The following ANKRD31 variants were observed in gnomAD, a reference collection of about 807,000 sequenced individuals.
ANKRD31 encodes the protein ankyrin repeat domain 31.
In ANKRD31, 147 loss-of-function variants were observed where a neutral mutation model predicts 186.0. That is an observed-to-expected ratio of 0.79 (90% CI 0.69 to 0.91). The LOEUF (loss-of-function observed/expected upper bound fraction) is 0.91. ANKRD31 is among the 40% of genes least tolerant of loss of function. ANKRD31 has a pLI of 0.00. For missense variants in ANKRD31, 1,986 were observed against 2,148.8 expected (o/e 0.92, Z 1.50); for synonymous variants, 673 against 736.4 (o/e 0.91, Z 1.39).
rs116575894 is a variant in ANKRD31, at chr5:75,092,114, G to T, written c.5332-713C>A. Among the ~76,000 whole-genome samples, 521 of 152,312 alleles carry T rather than the reference G, an allele frequency of 3.4e-3. 3 individuals carry two copies. Among genetic ancestry groups the T allele is most frequent in the African/African-American group, 0.012 (497 of 41,572 alleles). On this transcript the variant is annotated intron_variant, in intron 22 of 25. Transcript: ENST00000506364. Reference sequence around the variant, plus strand: ...TGCCTGAGAAGAGAAGCAAGGCTTAGAACAGATAGCTCCTAATCTCCTCCC... The same window carrying T: ...TGCCTGAGAAGAGAAGCAAGGCTTATAACAGATAGCTCCTAATCTCCTCCC...
intron 8 of ANKRD31, among the ~76,000 whole-genome samples, chr5:75,192,979 T>C (rs1755214433): frequency 6.6e-6 from 1 of 152,122 alleles, no homozygotes; most frequent in African/African-American, 2.4e-5. Flanking sequence ...CTTCTAGCCC[T>C]CTCTTTGCGC....
chr5:75,089,185 C>T (rs1017852135), intron 23 of ANKRD31, among the ~76,000 whole-genome samples: 2 of 152,170 alleles, frequency 1.3e-5, no homozygotes, highest in African/African-American at 4.8e-5. Flanking sequence ...TCTGCTGCCT[C>T]CCACCCACAA....
intron 7 of ANKRD31, among the ~76,000 whole-genome samples, chr5:75,194,366 C>T (rs891500777): frequency 7.0e-6 from 1 of 143,204 alleles, no homozygotes; most frequent in African/African-American, 2.8e-5. Flanking sequence ...TACTCATATT[C>T]CCTCTTTTCA....
intron 25 of ANKRD31, among the ~76,000 whole-genome samples, chr5:75,076,842 G>A (rs1033142385): frequency 9.2e-5 from 14 of 152,024 alleles, no homozygotes; most frequent in African/African-American, 2.2e-4. Context: ...AGGAATTAGC[G>A]ACAAAGACCA....
At position 75,160,598 on chromosome 5, in the gene ANKRD31, G is replaced by C. The variant is rs564240659; in HGVS notation, c.1708-6253C>G. 1.1e-4 allele frequency among the ~76,000 whole-genome samples: 16 copies of C among 152,246 alleles called. No homozygotes were observed. In the South Asian group the frequency reaches 3.3e-3, roughly 32 times the overall value. On this transcript the variant is annotated intron_variant, in intron 11 of 25. Transcript: ENST00000506364. ...ATCTGAGACATACATTGGATTCAAA[G>C]ATAACAAACAAGATGAAAGTCAAAG...
rs1347433909 is a variant in ANKRD31, at chr5:75,105,125, T to C, written c.4434A>G (p.Lys1478=). ...RQKSLLVVAK[K]QKKISLKIQN... ...GAATTTTCAGGCTTATTTTTTTCTGTTTTTTTGCCACAACTAAAAGGCTCT... is the reference window on the plus strand; with the variant it reads ...GAATTTTCAGGCTTATTTTTTTCTGCTTTTTTGCCACAACTAAAAGGCTCT... Residue 1478 remains lysine, a synonymous_variant, in exon 22 of 26, where the codon AAA becomes AAG. Transcript: ENST00000506364. The C allele has an allele frequency of 6.5e-7, 1 of 1,536,892 alleles. No homozygotes were observed. The highest frequency in any genetic ancestry group is 2.0e-5 in the Admixed American group (1 of 50,962).
Position 75,193,520 on chromosome 5 carries a change from T to A in ANKRD31, c.1089A>T (p.Leu363=), listed in dbSNP as rs1198111181. The change falls in exon 8 of 26, where the codon CTA becomes CTT. Residue 363 remains leucine (L), a synonymous_variant. Transcript: ENST00000506364. ...CTGAATTTGAATTTCTCTTATTACT[T>A]AGTGGCTCACAAGAAGTGATATTTT... ...AHQNITSCEP[L]SNKRNSNSVT... is the part of the protein sequence containing the mutation. 1 of 1,537,012 alleles carries A rather than the reference T, an allele frequency of 6.5e-7. No individual in the cohort carries two copies. The highest frequency in any genetic ancestry group is 2.0e-5 in the Admixed American group (1 of 50,990).
chr5:75,147,267 T>A lies in ANKRD31; in HGVS notation c.2144A>T (p.His715Leu). The change falls in exon 14 of 26, where the codon CAT becomes CTT. Residue 715 changes from histidine to leucine, a missense_variant. His to Leu is a moderately conservative substitution (Grantham distance 99). Transcript: ENST00000506364. ...YSTGLRKGNL[H>L]NVKDPNTNVP... The stretch of plus-strand genomic sequence containing the variant: ...GTTTGTGTTGGGATCTTTGACGTTA[T>A]GGAGATTGCCCTTTCTGAGTCCTGT... 6.5e-7 allele frequency: 1 copy of A among 1,536,186 alleles called. No homozygotes were observed. The highest frequency in any genetic ancestry group is 8.7e-7 in the Non-Finnish European group (1 of 1,146,264).
At chr5:75,218,154 A>C (rs1757072756) in intron 3 of ANKRD31, among the ~76,000 whole-genome samples, 1 of 152,146 alleles carries the variant, frequency 6.6e-6, no homozygotes, top group Non-Finnish European at 1.5e-5. Flanking sequence ...CAAATCCAGA[A>C]GTTGGTTTTT....
intron 11 of ANKRD31, among the ~76,000 whole-genome samples, chr5:75,166,582 T>C (rs1752941638): frequency 6.6e-6 from 1 of 152,174 alleles, no homozygotes; most frequent in Admixed American, 6.5e-5. Context: ...CCCAAATCAA[T>C]GCCAACAAAC....
chr5:75,159,091 A>C (rs890070725), intron 11 of ANKRD31, among the ~76,000 whole-genome samples: 9 of 152,112 alleles, frequency 5.9e-5, no homozygotes, highest in African/African-American at 1.9e-4. Flanking sequence ...TGAAAAGAAA[A>C]ATTCACCAGA....
chr5:75,204,622 T>C (rs1756032485), intron 5 of ANKRD31, among the ~76,000 whole-genome samples: 1 of 152,206 alleles, frequency 6.6e-6, no homozygotes, highest in Non-Finnish European at 1.5e-5. Context: ...GATAAGGATC[T>C]AGTCTCTGCA....
chr5:75,098,026 G>GC (rs1746474955), intron 22 of ANKRD31, among the ~76,000 whole-genome samples: 1 of 147,370 alleles, frequency 6.8e-6, no homozygotes, highest in African/African-American at 2.5e-5. Context: ...CTATATCTCT[G>GC]TTTTTTTTTT....
At chr5:75,207,809 CT>C (rs1182120084) in intron 4 of ANKRD31, among the ~76,000 whole-genome samples, 2 of 151,888 alleles carry the variant, frequency 1.3e-5, no homozygotes, top group African/African-American at 2.4e-5. Flanking sequence ...TTAGTCTTTT[CT>C]TTTTTTATTT....
intron 5 of ANKRD31, among the ~76,000 whole-genome samples, chr5:75,203,586 C>T (rs1262110390): frequency 6.6e-6 from 1 of 150,710 alleles, no homozygotes; most frequent in African/African-American, 2.4e-5. Flanking sequence ...TTGGTTGAAC[C>T]CGGGAGGTGG....
intron 3 of ANKRD31, among the ~76,000 whole-genome samples, chr5:75,219,770 T>C (rs1238730353): frequency 2.0e-5 from 3 of 152,158 alleles, no homozygotes; most frequent in East Asian, 1.9e-4. Context: ...CAAATCAGCA[T>C]GGTACTGGTA....
chr5:75,234,760 T>C (rs1758154536), intron 1 of ANKRD31, among the ~76,000 whole-genome samples: 1 of 152,240 alleles, frequency 6.6e-6, no homozygotes, highest in Admixed American at 6.5e-5. Context: ...TTTTGAGTTT[T>C]GTATTATAAT....
At chr5:75,112,451 A>G (rs909539452) in intron 20 of ANKRD31, 62 bp downstream of exon 20, 1 of 1,130,736 alleles carries the variant, frequency 8.8e-7, no homozygotes, top group Admixed American at 2.6e-5. Context: ...ATAAATATGT[A>G]CCTTAAGAAG....
At chr5:75,213,995 C>T (rs1756809693) in intron 3 of ANKRD31, among the ~76,000 whole-genome samples, 2 of 152,188 alleles carry the variant, frequency 1.3e-5, no homozygotes, top group African/African-American at 4.8e-5. Flanking sequence ...ATTCAATAAG[C>T]GTTTGAAGTA....
Sources: gnomAD v4.1 joint callset for allele counts (sites outside exome capture counted in the v4.1 genomes callset) on GRCh38, gnomAD v4.1.1 for gene constraint, MANE v1.5 for transcripts, NCBI Gene and HGNC (gene_info 2026-07-23, HGNC 2026-07-21) for gene names.